ZCWPW2: variants seen among roughly 807,000 people sequenced by gnomAD.
ZCWPW2 encodes the protein zinc finger CW-type PWWP domain protein 2.
In ZCWPW2, 45 loss-of-function variants were observed where a neutral mutation model predicts 46.6. The observed-to-expected ratio is 0.96, with a 90% CI of 0.76 to 1.24. The LOEUF (loss-of-function observed/expected upper bound fraction) is 1.24, where lower values mean the gene tolerates loss of function less well. Ranked by LOEUF, ZCWPW2 falls within the 50% of genes most tolerant of loss-of-function variation. The probability of loss-of-function intolerance (pLI) is 0.00; values close to 1 mark genes in which losing one functional copy is unlikely to be tolerated. For missense variants in ZCWPW2, 429 were observed against 403.9 expected (o/e 1.06, Z -0.53); for synonymous variants, 152 against 137.1 (o/e 1.11, Z -0.76).
At chr3:28,375,455 T>G (rs1705473026) in intron 1 of ZCWPW2, among the ~76,000 whole-genome samples, 1 of 152,044 alleles carries the variant, frequency 6.6e-6, no homozygotes, top group Admixed American at 6.6e-5. Context: ...TCTTTGGGGT[T>G]AAGTGATTCT....
At chr3:28,491,828 C>T (rs1008934935) in intron 5 of ZCWPW2, among the ~76,000 whole-genome samples, 2 of 151,956 alleles carry the variant, frequency 1.3e-5, no homozygotes. Flanking sequence ...CACAAGCTCC[C>T]CAGAACCTAG....
intron 3 of ZCWPW2, among the ~76,000 whole-genome samples, chr3:28,424,110 T>A (rs141616873): frequency 2.5e-4 from 38 of 152,204 alleles, no homozygotes; most frequent in African/African-American, 8.4e-4. Flanking sequence ...TTTTTCAACC[T>A]AACATTCTTA....
intron 3 of ZCWPW2, among the ~76,000 whole-genome samples, chr3:28,428,900 C>A (rs1697131829): frequency 6.6e-6 from 1 of 152,152 alleles, no homozygotes. Flanking sequence ...CCTCCCCAAC[C>A]ATGTGGAACT....
Position 28,524,539 on chromosome 3 carries a change from A to G in ZCWPW2, c.922A>G (p.Ser308Gly). Residue 308 changes from serine (S) to glycine (G), a missense_variant, in exon 10 of 10, where the codon AGC becomes GGC. Transcript: ENST00000383768. ...GGTTGTTTTGCAGTTATCTAAATGC[A>G]GCCCAGAAGCTCCTGCAGGCAGTCT... ...INMGEKLSKC[S>G]PEAPAGSLFE... is the part of the protein sequence containing the mutation. 1 of 1,600,754 alleles carries G rather than the reference A, an allele frequency of 6.2e-7. No individual in the cohort carries two copies. The highest frequency in any genetic ancestry group is 8.5e-7 in the Non-Finnish European group (1 of 1,175,350).
At chr3:28,476,054 A>G (rs1699228805) in intron 4 of ZCWPW2, among the ~76,000 whole-genome samples, 1 of 151,822 alleles carries the variant, frequency 6.6e-6, no homozygotes, top group Non-Finnish European at 1.5e-5. Flanking sequence ...AATTTAAAAA[A>G]TCAATTATAT....
intron 2 of ZCWPW2, among the ~76,000 whole-genome samples, chr3:28,394,501 T>C (rs1247017981): frequency 6.6e-6 from 1 of 152,066 alleles, no homozygotes; most frequent in African/African-American, 2.4e-5. Context: ...GCATCACACT[T>C]GCTGATTTGA....
At chr3:28,398,741 G>A (rs1261312401) in intron 2 of ZCWPW2, among the ~76,000 whole-genome samples, 1 of 152,180 alleles carries the variant, frequency 6.6e-6, no homozygotes, top group East Asian at 1.9e-4. Flanking sequence ...CATTTATAGA[G>A]CCGAGTGAAA....
chr3:28,374,182 G>C (rs1705428795), intron 1 of ZCWPW2, among the ~76,000 whole-genome samples: 1 of 152,024 alleles, frequency 6.6e-6, no homozygotes, highest in African/African-American at 2.4e-5. Flanking sequence ...GTGAGTGATA[G>C]GACACTAATT....
At chr3:28,521,512 A>G (rs1451619167) in intron 9 of ZCWPW2, among the ~76,000 whole-genome samples, 3 of 152,236 alleles carry the variant, frequency 2.0e-5, no homozygotes, top group African/African-American at 7.2e-5. Flanking sequence ...TTATGTACCA[A>G]GATAATCTCT....
rs927287400 is a variant in ZCWPW2, at chr3:28,411,324, C to T, written c.-13-1732C>T. 2.0e-5 allele frequency among the ~76,000 whole-genome samples: 3 copies of T among 151,684 alleles called. No homozygotes were observed. In the East Asian group the frequency reaches 5.8e-4, roughly 29 times the overall value. On this transcript the variant is annotated intron_variant, in intron 2 of 9. Coordinates refer to ENST00000383768, the MANE Select transcript of ZCWPW2 (RefSeq NM_001040432.4). ...AAAAGAATTTGATGAAATTAAACAC[C>T]ACATTATGATTAATATCAACAAAAA... is the stretch of plus-strand genomic sequence containing the variant.
At chr3:28,523,552 A>G (rs1487699322) in intron 9 of ZCWPW2, among the ~76,000 whole-genome samples, 2 of 152,150 alleles carry the variant, frequency 1.3e-5, no homozygotes, top group East Asian at 3.8e-4. Context: ...AGTCCTGAGC[A>G]TGTTGATTCT....
chr3:28,487,998 A>G (rs1250305280), intron 5 of ZCWPW2, among the ~76,000 whole-genome samples: 1 of 152,172 alleles, frequency 6.6e-6, no homozygotes. Context: ...TAAGAAGTAC[A>G]GAATGGTCTG....
At chr3:28,464,925 T>C (rs2125791295) in intron 4 of ZCWPW2, among the ~76,000 whole-genome samples, 1 of 152,346 alleles carries the variant, frequency 6.6e-6, no homozygotes, top group Non-Finnish European at 1.5e-5. Context: ...TTGAAAAAGT[T>C]TGAATGGCAG....
intron 6 of ZCWPW2, among the ~76,000 whole-genome samples, chr3:28,495,763 T>C (rs1440223641): frequency 6.6e-6 from 1 of 152,062 alleles, no homozygotes; most frequent in Non-Finnish European, 1.5e-5. Flanking sequence ...AAAAAACTGA[T>C]CCTTTACCAC....
At chr3:28,360,349 C>CA (rs71087692) in intron 1 of ZCWPW2, among the ~76,000 whole-genome samples, 1,860 of 53,912 alleles carry the variant, frequency 0.035, 77 homozygotes, top group African/African-American at 0.092. Flanking sequence ...ACTAAAAATA[C>CA]AAAAAAAAAA....
chr3:28,421,108 T>C (rs1252339886), intron 3 of ZCWPW2, among the ~76,000 whole-genome samples: 1 of 152,196 alleles, frequency 6.6e-6, no homozygotes, highest in African/African-American at 2.4e-5. Flanking sequence ...ACCTCTTTGT[T>C]ACTCCCACAT....
chr3:28,483,285 C>G (rs1046746728), intron 5 of ZCWPW2, among the ~76,000 whole-genome samples: 2 of 152,124 alleles, frequency 1.3e-5, no homozygotes, highest in Non-Finnish European at 2.9e-5. Flanking sequence ...TATCAATTAT[C>G]TATTGACTAT....
At chr3:28,434,445 G>T (rs776271713) in intron 3 of ZCWPW2, among the ~76,000 whole-genome samples, 4 of 152,130 alleles carry the variant, frequency 2.6e-5, no homozygotes, top group Non-Finnish European at 5.9e-5. Context: ...ATTTGTAGAG[G>T]TTTATGTCAT....
chr3:28,413,503 T>A (rs1696492841), intron 3 of ZCWPW2, 103 bp downstream of exon 3: 19 of 1,036,284 alleles, frequency 1.8e-5, no homozygotes, highest in Admixed American at 2.6e-5. Context: ...TGTCTACTTG[T>A]TTCTTGATTT....
Sources: allele counts gnomAD v4.1 joint callset (sites outside exome capture counted in the v4.1 genomes callset), GRCh38; gene constraint gnomAD v4.1.1; transcripts MANE v1.5; gene names NCBI Gene and HGNC (gene_info 2026-07-23, HGNC 2026-07-21).